HADHA: variants seen among roughly 807,000 people sequenced by gnomAD.
HADHA encodes trifunctional enzyme subunit alpha, mitochondrial.
HADHA carries 59 observed loss-of-function variants against 91.3 expected under a neutral mutation model. The ratio of observed to expected loss-of-function variants is 0.65; its 90% CI spans 0.52 to 0.80. The LOEUF (loss-of-function observed/expected upper bound fraction) is 0.80. HADHA is among the 30% of genes least tolerant of loss of function. HADHA has a pLI of 0.00. For missense variants in HADHA, 800 were observed against 927.6 expected (o/e 0.86, Z 1.79); for synonymous variants, 320 against 338.9 (o/e 0.94, Z 0.61).
At chr2:26,222,155 G>A (rs1374084867) in intron 7 of HADHA, among the ~76,000 whole-genome samples, 1 of 152,122 alleles carries the variant, frequency 6.6e-6, no homozygotes, top group Non-Finnish European at 1.5e-5. Flanking sequence ...GTATCCTTAT[G>A]AGAAGAAAAA....
In HADHA at chr2:26,195,178, T is replaced by A; in HGVS notation, c.1534A>T (p.Ile512Phe). 4 of 1,612,408 alleles carry A rather than the reference T, an allele frequency of 2.5e-6. No homozygotes were observed. Among genetic ancestry groups the A allele is most frequent in the Non-Finnish European group, 1.7e-6 (2 of 1,178,512 alleles). ...TCTTTGGAAGTTTTCTCGGTCGTGA[T>A]AATCTCCAGCAGCTGCATCTTGTCC... ...PVDKMQLLEIITTEKTSKDTS... is the reference protein window; with the variant it reads ...PVDKMQLLEIFTTEKTSKDTS... Residue 512 changes from isoleucine to phenylalanine, a missense_variant, in exon 15 of 20, where the codon ATC (isoleucine) becomes TTC (phenylalanine). Transcript: ENST00000380649.
chr2:26,216,988 TAGAA>T (rs1474622293), intron 7 of HADHA, among the ~76,000 whole-genome samples: 1 of 152,050 alleles, frequency 6.6e-6, no homozygotes, highest in Non-Finnish European at 1.5e-5. Flanking sequence ...AAAAAAATGA[TAGAA>T]GGAGCAGACG....
In HADHA at chr2:26,192,503, C is replaced by T. The variant is rs1042925594; in HGVS notation, c.1886-79G>A. 10 of 862,750 alleles carry T rather than the reference C, an allele frequency of 1.2e-5. No individual in the cohort carries two copies. The African/African-American group carries it at 1.3e-4, about 11-fold the overall frequency. 53.4% of individuals were successfully genotyped at this position (862,750 alleles called of 1,614,324 possible). Reference sequence around the variant, plus strand: ...TACTATTTGTTCTCAGAACCCTGGCCTGGCCAGGCGTGGTGGCTCACGCCT... The same window carrying T: ...TACTATTTGTTCTCAGAACCCTGGCTTGGCCAGGCGTGGTGGCTCACGCCT... On this transcript the variant is annotated intron_variant, in intron 17 of 19. Transcript: ENST00000380649.
chr2:26,225,515 C>T (rs1670466604), intron 7 of HADHA, among the ~76,000 whole-genome samples: 1 of 151,826 alleles, frequency 6.6e-6, no homozygotes, highest in Admixed American at 6.6e-5. Flanking sequence ...GACTTTATCC[C>T]TCATGATGAC....
chr2:26,197,487 C>T (rs553017297), intron 14 of HADHA, among the ~76,000 whole-genome samples: 2 of 152,268 alleles, frequency 1.3e-5, no homozygotes, highest in Admixed American at 1.3e-4. Flanking sequence ...ATTTGGGATC[C>T]TTGAAAAGGA....
intron 1 of HADHA, 124 bp from the exon 2 acceptor site, chr2:26,239,267 T>G: frequency 1.3e-6 from 1 of 755,438 alleles, no homozygotes; most frequent in South Asian, 1.5e-5. Context: ...CAATGTATTC[T>G]AGGCCATATG....
chr2:26,198,520 C>A (rs1443482963), intron 13 of HADHA, among the ~76,000 whole-genome samples: 1 of 151,782 alleles, frequency 6.6e-6, no homozygotes, highest in African/African-American at 2.4e-5. Context: ...GGAAGGGACA[C>A]CTGTCAAATG....
chr2:26,214,949 G>C lies in HADHA; in HGVS notation c.799+104C>G. On this transcript the variant is annotated intron_variant, in intron 8 of 19. Coordinates refer to ENST00000380649, the MANE Select transcript of HADHA (RefSeq NM_000182.5). The surrounding 1 kb of genome is among the most constrained non-coding windows in gnomAD (Gnocchi z 4.1). ...CTACCTAAGGCTGACTTTATGCTTT[G>C]AGTAAATAATGCATTTACCACTTCC... The C allele has an allele frequency of 9.5e-7, 1 of 1,055,454 alleles. No individual in the cohort carries two copies. The highest frequency in any genetic ancestry group is 1.5e-6 in the Non-Finnish European group (1 of 677,438). 65.4% of individuals were successfully genotyped at this position (1,055,454 alleles called of 1,614,324 possible).
chr2:26,206,143 AAAT>A (rs567862524), intron 11 of HADHA, among the ~76,000 whole-genome samples: 2 of 151,982 alleles, frequency 1.3e-5, no homozygotes, highest in Admixed American at 6.6e-5. Flanking sequence ...TCTATTATGA[AAAT>A]AATAATAATA....
intron 3 of HADHA, 96 bp downstream of exon 3, chr2:26,238,838 T>C: frequency 4.9e-6 from 4 of 820,528 alleles, no homozygotes; most frequent in South Asian, 2.7e-5. Flanking sequence ...TACTGCCAGA[T>C]TGGTAGATTT....
intron 7 of HADHA, among the ~76,000 whole-genome samples, chr2:26,226,676 T>C (rs935358841): frequency 1.3e-5 from 2 of 152,144 alleles, no homozygotes; most frequent in Non-Finnish European, 2.9e-5. Context: ...AAACTTGAAA[T>C]GAATCACAGA....
chr2:26,239,075 T>C lies in HADHA; in HGVS notation c.109+27A>G, dbSNP rs375283391. On this transcript the variant is annotated intron_variant, in intron 2 of 19. Coordinates refer to ENST00000380649, the MANE Select transcript of HADHA (RefSeq NM_000182.5). The stretch of plus-strand genomic sequence containing the variant: ...ATAAATCCAAAAAGCAATGTAAGCA[T>C]ACACATTAAAAAGAAATTAAACTTA... 57 of 1,583,670 alleles carry C rather than the reference T, an allele frequency of 3.6e-5. No individual in the cohort carries two copies. In the African/African-American group the frequency reaches 7.0e-4, roughly 19 times the overall value.
Position 26,215,046 on chromosome 2 carries a change from T to C in HADHA, c.799+7A>G, listed in dbSNP as rs760905515. 1 of 1,608,206 alleles carries C rather than the reference T, an allele frequency of 6.2e-7. No homozygotes were observed. ...CTTTGCCTTTGTTCTTTAACAATGA[T>C]ACTCACTTTCCACCAATCCCTTGTC... On this transcript the variant is annotated splice_region_variant and intron_variant, in intron 8 of 19. Coordinates refer to ENST00000380649, the MANE Select transcript of HADHA (RefSeq NM_000182.5).
intron 6 of HADHA, 73 bp downstream of exon 6, chr2:26,232,087 A>G: frequency 9.6e-7 from 1 of 1,042,156 alleles, no homozygotes; most frequent in Non-Finnish European, 1.5e-6. Flanking sequence ...ATGAATGCCC[A>G]TATTATGCAT....
chr2:26,192,181 G>A, intron 18 of HADHA, 129 bp downstream of exon 18: 1 of 655,148 alleles, frequency 1.5e-6, no homozygotes. Flanking sequence ...GTATACCTAT[G>A]TAACAAACCT....
At chr2:26,217,159 C>T (rs1018721201) in intron 7 of HADHA, among the ~76,000 whole-genome samples, 3 of 151,800 alleles carry the variant, frequency 2.0e-5, no homozygotes, top group Non-Finnish European at 4.4e-5. Flanking sequence ...AGCTCAAGGA[C>T]CAGACTCGGC....
At position 26,203,067 on chromosome 2, in the gene HADHA, G is replaced by A. The variant is rs568496786; in HGVS notation, c.1220+995C>T. Among the ~76,000 whole-genome samples the A allele has an allele frequency of 2.6e-5, 4 of 152,348 alleles. No individual in the cohort carries two copies. In the East Asian group the frequency reaches 7.7e-4, roughly 29 times the overall value. On this transcript the variant is annotated intron_variant, in intron 12 of 19. Transcript: ENST00000380649. ...GGTGATGGTATGGAATGCTGTTTGG[G>A]ATGCTTGCATGCTAGTTTCAGGGCA...
intron 10 of HADHA, chr2:26,212,324 C>G (rs922477701): frequency 1.0e-5 from 5 of 488,090 alleles, no homozygotes; most frequent in Non-Finnish European, 1.1e-5. Context: ...TGAGCTCAAA[C>G]GATCTGCCCA....
At chr2:26,199,437 A>T (rs1190345257) in intron 13 of HADHA, 1 of 152,256 alleles carries the variant, frequency 6.6e-6, no homozygotes, top group Non-Finnish European at 1.5e-5. Flanking sequence ...AAGCTTACGT[A>T]GTGTCAGGTT....
Sources: gnomAD v4.1 joint callset for allele counts (sites outside exome capture counted in the v4.1 genomes callset) on GRCh38, gnomAD v4.1.1 for gene constraint, Gnocchi (gnomAD v3.1) non-coding constraint, MANE v1.5 for transcripts, NCBI Gene and HGNC (gene_info 2026-07-23, HGNC 2026-07-21) for gene names.